ITGA6: variants seen among roughly 807,000 people sequenced by gnomAD.
ITGA6 encodes the protein integrin alpha-6.
ITGA6 carries 63 observed loss-of-function variants against 133.6 expected under a neutral mutation model. The observed-to-expected ratio is 0.47, with a 90% CI of 0.38 to 0.58. The LOEUF (loss-of-function observed/expected upper bound fraction) is 0.58. Ranked by LOEUF, ITGA6 falls within the 20% of genes least tolerant of loss-of-function variation. ITGA6 has a pLI of 0.00. For missense variants in ITGA6, 1,068 were observed against 1,309.4 expected, an observed-to-expected ratio of 0.82 and a Z score of 2.85; for synonymous variants, 434 against 482.0, an observed-to-expected ratio of 0.90 and a Z score of 1.30.
rs530504236 is a variant in ITGA6 at position 172,445,651 on chromosome 2, T to TAAAAA, written c.182+17681_182+17682insAAAAA. 7.9e-4 allele frequency among the ~76,000 whole-genome samples: 115 copies of TAAAAA among 145,704 alleles called. 2 individuals are homozygous for TAAAAA. The East Asian group carries it at 9.0e-3, about 11-fold the overall frequency. The stretch of plus-strand genomic sequence containing the variant: ...GCGACAGAGTGAGACTCCGTCTTTT[T>TAAAAA]TAAAAAAAAAAAAAAGAAAAAAAAA... On this transcript the variant is annotated intron_variant, in intron 1 of 25. Transcript: ENST00000684293.
At chr2:172,498,169 A>G in intron 24 of ITGA6, 69 bp downstream of exon 24, 1 of 1,440,890 alleles carries the variant, frequency 6.9e-7, no homozygotes, top group Non-Finnish European at 9.7e-7. Flanking sequence ...GGGAATCAGC[A>G]CTGATAGTAC....
intron 4 of ITGA6, among the ~76,000 whole-genome samples, chr2:172,470,139 A>C (rs1175714677): frequency 6.6e-6 from 1 of 152,186 alleles, no homozygotes; most frequent in Non-Finnish European, 1.5e-5. Flanking sequence ...TCATCAGGGA[A>C]AACTTAGGAA....
chr2:172,473,989 T>C (rs1367783447), intron 5 of ITGA6, 66 bp from the exon 6 acceptor site: 1 of 1,118,450 alleles, frequency 8.9e-7, no homozygotes, highest in Non-Finnish European at 1.3e-6. Flanking sequence ...ATGATGGAGT[T>C]ACCAATGTCA....
At chr2:172,451,419 C>T (rs1453951529) in intron 1 of ITGA6, among the ~76,000 whole-genome samples, 2 of 146,392 alleles carry the variant, frequency 1.4e-5, no homozygotes, top group East Asian at 2.0e-4. Flanking sequence ...GAGCCAAGAT[C>T]GCACCACTGC....
chr2:172,465,269 A>G, intron 1 of ITGA6: 1 of 529,288 alleles, frequency 1.9e-6, no homozygotes, highest in Non-Finnish European at 3.4e-6. Flanking sequence ...ACCAGATCAT[A>G]CCCAGCAAGA....
rs781628674 is a variant in ITGA6 at position 172,504,920 on chromosome 2, C to G, written c.*852C>G. On this transcript the variant is annotated 3_prime_UTR_variant, in exon 26 of 26. Transcript: ENST00000684293. ...TGGTATTTATTTTTTCTTTTCTTTA[C>G]AAACCATTTTGTTATTGACTAACAG... is the stretch of plus-strand genomic sequence containing the variant. 6.6e-6 allele frequency: 1 copy of G among 152,554 alleles called. No homozygotes were observed. The highest frequency in any genetic ancestry group is 1.5e-5 in the Non-Finnish European group (1 of 68,042). 9.5% of individuals were successfully genotyped at this position (152,554 alleles called of 1,614,324 possible).
intron 4 of ITGA6, among the ~76,000 whole-genome samples, chr2:172,470,159 T>G (rs1446824669): frequency 6.6e-6 from 1 of 152,170 alleles, no homozygotes; most frequent in African/African-American, 2.4e-5. Flanking sequence ...AAATGGTCCC[T>G]TTTCCATTCA....
At chr2:172,485,076 A>G (rs1477597329) in intron 12 of ITGA6, 45 bp from the exon 13 acceptor site, 1 of 1,608,686 alleles carries the variant, frequency 6.2e-7, no homozygotes. Context: ...ATTCCCCAAT[A>G]GCATGTACAC....
chr2:172,452,347 G>A (rs1685041117), intron 1 of ITGA6, among the ~76,000 whole-genome samples: 1 of 152,160 alleles, frequency 6.6e-6, no homozygotes, highest in African/African-American at 2.4e-5. Flanking sequence ...GGGAGTCAGT[G>A]GCAGCAAGTC....
At chr2:172,483,285 A>G (rs775914219) in intron 11 of ITGA6, among the ~76,000 whole-genome samples, 1 of 152,172 alleles carries the variant, frequency 6.6e-6, no homozygotes, top group Non-Finnish European at 1.5e-5. Context: ...CTGGGCATCT[A>G]AGACCCTGTA....
chr2:172,436,293 G>C (rs975873977), intron 1 of ITGA6, among the ~76,000 whole-genome samples: 2 of 152,226 alleles, frequency 1.3e-5, no homozygotes, highest in African/African-American at 4.8e-5. Flanking sequence ...TCCCAGACTA[G>C]AGAAGTGTTT....
chr2:172,478,226 G>A (rs1686264399), intron 9 of ITGA6, among the ~76,000 whole-genome samples: 1 of 152,198 alleles, frequency 6.6e-6, no homozygotes, highest in African/African-American at 2.4e-5. Flanking sequence ...TGGAAAAACA[G>A]GGAATGTGGG....
At chr2:172,437,298 T>C (rs1286460829) in intron 1 of ITGA6, among the ~76,000 whole-genome samples, 1 of 152,234 alleles carries the variant, frequency 6.6e-6, no homozygotes, top group Non-Finnish European at 1.5e-5. Flanking sequence ...TGATACTGAC[T>C]AGGAGGCTCC....
At chr2:172,463,534 C>T (rs371126844) in intron 1 of ITGA6, among the ~76,000 whole-genome samples, 1 of 152,126 alleles carries the variant, frequency 6.6e-6, no homozygotes, top group Non-Finnish European at 1.5e-5. Flanking sequence ...AACTTGAAAT[C>T]CTGGGTTTTA....
intron 13 of ITGA6, 24 bp from the exon 14 acceptor site, chr2:172,486,999 A>G: frequency 7.7e-7 from 1 of 1,303,240 alleles, no homozygotes; most frequent in Non-Finnish European, 1.1e-6. Flanking sequence ...GTGTAAATTG[A>G]CAATAGTTTT....
intron 1 of ITGA6, among the ~76,000 whole-genome samples, chr2:172,445,970 C>T (rs1300912112): frequency 6.6e-6 from 1 of 152,244 alleles, no homozygotes; most frequent in Non-Finnish European, 1.5e-5. Context: ...AGTTGTGTGG[C>T]ACATCCAGCT....
At chr2:172,441,603 T>G (rs989529844) in intron 1 of ITGA6, among the ~76,000 whole-genome samples, 2 of 124,678 alleles carry the variant, frequency 1.6e-5, no homozygotes, top group Admixed American at 8.3e-5. Context: ...AAATCAAACC[T>G]CAGTGCATAA....
rs114431200 is a variant in ITGA6, at chr2:172,487,234, T to G, written c.1971-30T>G. Reference sequence around the variant, plus strand: ...CTGGAAACGTATTGAGGACTTTGCCTTTTTGTTCTTGTTTTCTTATTTTTA... The same window carrying G: ...CTGGAAACGTATTGAGGACTTTGCCGTTTTGTTCTTGTTTTCTTATTTTTA... On this transcript the variant is annotated intron_variant, in intron 14 of 25. Coordinates refer to ENST00000684293, the MANE Select transcript of ITGA6 (RefSeq NM_000210.4). The G allele has an allele frequency of 3.0e-3, 4,833 of 1,599,044 alleles. 130 individuals carry two copies. The African/African-American group carries it at 0.056, about 18-fold the overall frequency.
rs78946653 is a variant in ITGA6, at chr2:172,440,179, T to G, written c.182+12209T>G. On this transcript the variant is annotated intron_variant, in intron 1 of 25. Coordinates refer to ENST00000684293, the MANE Select transcript of ITGA6 (RefSeq NM_000210.4). ...AGGCACCCTATAAATGTATGCCTGA[T>G]GGATATGAGTCCTGTTGGTTTGTGA... Among the ~76,000 whole-genome samples, 1,028 of 152,310 alleles carry G rather than the reference T, an allele frequency of 6.7e-3. 20 individuals are homozygous for G. In the South Asian group the frequency reaches 0.074, roughly 11 times the overall value.
Sources: allele counts gnomAD v4.1 joint callset (sites outside exome capture counted in the v4.1 genomes callset), GRCh38; gene constraint gnomAD v4.1.1; transcripts MANE v1.5; gene names NCBI Gene and HGNC (gene_info 2026-07-23, HGNC 2026-07-21).